MTM1: variants seen among roughly 807,000 people sequenced by gnomAD.
The protein encoded by MTM1 is myotubularin 1, also known as myotubularin.
MTM1 carries 9 observed loss-of-function variants against 52.1 expected under a neutral mutation model. The observed-to-expected ratio is 0.17, with a 90% CI of 0.10 to 0.30. The LOEUF is 0.30. Ranked by LOEUF, MTM1 falls within the 10% of genes least tolerant of loss-of-function variation. MTM1 has a pLI of 1.00. For synonymous variants in MTM1, 136 were observed against 163.8 expected (o/e 0.83, Z 1.29); for missense variants, 277 against 470.7 (o/e 0.59, Z 3.81).
intron 8 of MTM1, among the ~76,000 whole-genome samples, chrX:150,642,684 C>T (rs183845446): frequency 2.0e-4 from 22 of 111,762 alleles, no homozygotes; most frequent in African/African-American, 6.5e-4. Flanking sequence ...GCATGCCTTG[C>T]TCACAAGGAC....
rs782124080 is a variant in MTM1, at chrX:150,620,254, C to G, written c.444+1115C>G. 3.6e-5 allele frequency among the ~76,000 whole-genome samples: 4 copies of G among 111,796 alleles called. No individual in the cohort carries two copies. In the East Asian group the frequency reaches 1.1e-3, roughly 32 times the overall value. ...TGGCAGGTTTGAAGGAGCTGAAGCC[C>G]CAGTCTGTCTCCTGCAAGATCTTGC... On this transcript the variant is annotated intron_variant, in intron 6 of 14. Coordinates refer to ENST00000370396, the MANE Select transcript of MTM1 (RefSeq NM_000252.3).
chrX:150,598,091 A>C (rs1569565391), intron 3 of MTM1, among the ~76,000 whole-genome samples: 1 of 111,521 alleles, frequency 9.0e-6, no homozygotes, highest in African/African-American at 3.3e-5. Context: ...TATCTCAAAA[A>C]CAAAAAAAGA....
At chrX:150,643,505 T>G (rs2039881450) in intron 8 of MTM1, among the ~76,000 whole-genome samples, 1 of 111,547 alleles carries the variant, frequency 9.0e-6, no homozygotes, top group Non-Finnish European at 1.9e-5. Flanking sequence ...CCTTTCAGAC[T>G]TCCTTCTAAG....
intron 6 of MTM1, among the ~76,000 whole-genome samples, chrX:150,637,915 ACTC>A: frequency 8.9e-6 from 1 of 111,742 alleles, no homozygotes; most frequent in Non-Finnish European, 1.9e-5. Context: ...TTCCACCTTT[ACTC>A]CTCGCAAAGT....
At chrX:150,642,283 G>A (rs1289033574) in intron 8 of MTM1, among the ~76,000 whole-genome samples, 2 of 110,883 alleles carry the variant, frequency 1.8e-5, no homozygotes, top group Admixed American at 9.6e-5. Context: ...CCATAAAACC[G>A]CAGAAGTGAT....
At chrX:150,620,062 T>C (rs2039450515) in intron 6 of MTM1, among the ~76,000 whole-genome samples, 1 of 111,989 alleles carries the variant, frequency 8.9e-6, no homozygotes, top group Non-Finnish European at 1.9e-5. Flanking sequence ...TATGTCTATA[T>C]TAGAGTTTTT....
chrX:150,628,988 C>G (rs1351732332), intron 6 of MTM1, among the ~76,000 whole-genome samples: 3 of 111,274 alleles, frequency 2.7e-5, no homozygotes, highest in Non-Finnish European at 5.7e-5. Flanking sequence ...GCCCCTGTTT[C>G]GTAGCATGTA....
intron 9 of MTM1, among the ~76,000 whole-genome samples, chrX:150,646,994 A>G (rs1603193931): frequency 9.0e-6 from 1 of 110,901 alleles, no homozygotes; most frequent in African/African-American, 3.3e-5. Flanking sequence ...TAAACCAGCT[A>G]TTTGTTACTA....
chrX:150,583,321 A>T (rs1285227760), intron 1 of MTM1, among the ~76,000 whole-genome samples: 2 of 55,876 alleles, frequency 3.6e-5, no homozygotes, highest in African/African-American at 1.5e-4. Context: ...AATTATAAAT[A>T]TATATAAATT....
At chrX:150,614,923 GT>G (rs2039355758) in intron 5 of MTM1, among the ~76,000 whole-genome samples, 1 of 111,550 alleles carries the variant, frequency 9.0e-6, no homozygotes, top group Admixed American at 9.5e-5. Flanking sequence ...CGAGGAACTG[GT>G]CAGTTTGTTA....
upstream of MTM1, among the ~76,000 whole-genome samples, chrX:150,566,198 C>G (rs955739601): frequency 9.0e-6 from 1 of 111,582 alleles, no homozygotes; most frequent in Non-Finnish European, 1.9e-5. Flanking sequence ...TGTAGTGGTG[C>G]AATCTCAGCT....
Position 150,624,205 on chromosome X carries a change from C to CT in MTM1, c.444+5073dup, listed in dbSNP as rs34877815. Among the ~76,000 whole-genome samples the CT allele has an allele frequency of 2.5e-3, 275 of 111,952 alleles. 1 individual carries two copies. The highest frequency in any genetic ancestry group is 8.5e-3 in the African/African-American group (262 of 30,860). Reference sequence around the variant, plus strand: ...TTATGTCAATCTGGTAAGATGCGCACTTTTTTTAGTAACATTTCTATTTTG... The same window carrying CT: ...TTATGTCAATCTGGTAAGATGCGCACTTTTTTTTAGTAACATTTCTATTTTG... On this transcript the variant is annotated intron_variant, in intron 6 of 14. Transcript: ENST00000370396.
chrX:150,641,996 A>G (rs1557413865), intron 8 of MTM1, among the ~76,000 whole-genome samples: 1 of 111,352 alleles, frequency 9.0e-6, no homozygotes, highest in African/African-American at 3.3e-5. Context: ...ATTAATGGAC[A>G]TGTGATACTA....
chrX:150,607,052 C>T (rs1175186097), intron 4 of MTM1, among the ~76,000 whole-genome samples: 1 of 103,552 alleles, frequency 9.7e-6, no homozygotes, highest in Non-Finnish European at 2.0e-5. Flanking sequence ...GATCTCGGCT[C>T]ACCGCAACCT....
At chrX:150,578,589 A>AT (rs781784228) in intron 1 of MTM1, among the ~76,000 whole-genome samples, 3 of 111,946 alleles carry the variant, frequency 2.7e-5, no homozygotes, top group Non-Finnish European at 5.6e-5. Context: ...AGATTCATTT[A>AT]TTTTTCCATA....
intron 11 of MTM1, 104 bp downstream of exon 11, chrX:150,658,131 T>C: frequency 4.1e-6 from 3 of 723,487 alleles, no homozygotes; most frequent in Non-Finnish European, 6.3e-6. Context: ...ATCTGAGGAG[T>C]GTAATAAAAA....
At chrX:150,649,123 T>C (rs1177123265) in intron 9 of MTM1, among the ~76,000 whole-genome samples, 1 of 112,320 alleles carries the variant, frequency 8.9e-6, no homozygotes, top group African/African-American at 3.2e-5. Flanking sequence ...CCTTTAATAG[T>C]ATGAGACCTA....
rs2040188113 is a variant in MTM1, at chrX:150,659,744, A to G, written c.1341A>G (p.Gln447=). ...IFLQFIDCVW[Q]MSKQFPTAFE... is the part of the protein sequence containing the mutation. The stretch of plus-strand genomic sequence containing the variant: ...TCCAGTTTATTGATTGTGTGTGGCA[A>G]ATGTCAAAACAGGTAAGGAATATGA... The change falls in exon 12 of 15, where the codon CAA becomes CAG. Residue 447 remains glutamine (Q), a synonymous_variant. Transcript: ENST00000370396. 8.3e-7 allele frequency: 1 copy of G among 1,202,391 alleles called. No individual in the cohort carries two copies. Among genetic ancestry groups the G allele is most frequent in the African/African-American group, 1.7e-5 (1 of 57,665 alleles).
intron 4 of MTM1, among the ~76,000 whole-genome samples, chrX:150,606,251 C>T (rs1048447614): frequency 4.5e-5 from 5 of 110,949 alleles, no homozygotes; most frequent in Non-Finnish European, 9.4e-5. Flanking sequence ...AAATGAATGC[C>T]TTCTTCACAT....
Sources: allele counts gnomAD v4.1 joint callset (sites outside exome capture counted in the v4.1 genomes callset), GRCh38; gene constraint gnomAD v4.1.1; transcripts MANE v1.5; gene names NCBI Gene and HGNC (gene_info 2026-07-23, HGNC 2026-07-21).